SOS1: variants seen among roughly 807,000 people sequenced by gnomAD.
SOS1 encodes SOS Ras/Rac guanine nucleotide exchange factor 1, also known as son of sevenless homolog 1.
In SOS1, 25 loss-of-function variants were observed where a neutral mutation model predicts 157.6. The observed-to-expected ratio is 0.16, with a 90% CI of 0.12 to 0.22. The LOEUF is 0.22. Among genes scored for constraint, SOS1 ranks in the 10% least tolerant of loss-of-function variants. The pLI, the probability that SOS1 is intolerant of heterozygous loss-of-function variation, is 1.00. For synonymous variants in SOS1, 528 were observed against 534.0 expected, an observed-to-expected ratio of 0.99 and a Z score of 0.16; for missense variants, 1,237 against 1,599.1, an observed-to-expected ratio of 0.77 and a Z score of 3.86.
chr2:39,060,476 G>A (rs1671362982), intron 2 of SOS1, among the ~76,000 whole-genome samples: 1 of 152,160 alleles, frequency 6.6e-6, no homozygotes, highest in African/African-American at 2.4e-5. Context: ...GCGCAGGCTG[G>A]AGTGCAGTGG....
rs199856844 is a variant in SOS1, at chr2:38,995,147, C to T, written c.3322G>A (p.Asp1108Asn). Residue 1108 changes from aspartate to asparagine, a missense_variant, in exon 20 of 23, where the codon GAT becomes AAT. Physicochemically the swap from Asp to Asn is conservative, Grantham distance 23 (BLOSUM62 1). Transcript: ENST00000402219. Reference sequence around the variant, plus strand: ...CTTGAGTGAAAAGGGCTCGAATGATCGGAATCAAATACACTGCAAACATCT... The same window carrying T: ...CTTGAGTGAAAAGGGCTCGAATGATTGGAATCAAATACACTGCAAACATCT... ...TTDVCSVFDS[D>N]HSSPFHSSND... The T allele has an allele frequency of 1.7e-5, 28 of 1,613,924 alleles. No homozygotes were observed. Among genetic ancestry groups the T allele is most frequent in the Middle Eastern group, 3.3e-4 (2 of 6,060 alleles).
At chr2:39,034,826 G>C (rs951481964) in intron 8 of SOS1, 29 of 457,976 alleles carry the variant, frequency 6.3e-5, no homozygotes, top group Non-Finnish European at 1.3e-4. Context: ...CTCACACTGA[G>C]TCCCTGAGTC....
At chr2:39,019,170 G>T (rs1334534677) in intron 10 of SOS1, among the ~76,000 whole-genome samples, 1 of 151,636 alleles carries the variant, frequency 6.6e-6, no homozygotes, top group East Asian at 1.9e-4. Flanking sequence ...CCAGGCAAGG[G>T]AAACACCTTT....
At chr2:38,998,571 A>G (rs952694806) in intron 17 of SOS1, among the ~76,000 whole-genome samples, 1 of 152,058 alleles carries the variant, frequency 6.6e-6, no homozygotes, top group South Asian at 2.1e-4. Flanking sequence ...ATCTTGTGCA[A>G]ATTGCTTAAT....
At position 39,081,949 on chromosome 2, in the gene SOS1, T is replaced by C. The variant is rs190543898; in HGVS notation, c.88-14196A>G. On this transcript the variant is annotated intron_variant, in intron 1 of 22. Transcript: ENST00000402219. ...TTTTGTGGGTACATAGGTGCATATATTTATGGGGTACATAAGATACTTGAT... is the reference window on the plus strand; with the variant it reads ...TTTTGTGGGTACATAGGTGCATATACTTATGGGGTACATAAGATACTTGAT... Among the ~76,000 whole-genome samples, 29 of 152,332 alleles carry C rather than the reference T, an allele frequency of 1.9e-4. No individual in the cohort carries two copies. The East Asian group carries it at 4.6e-3, about 24-fold the overall frequency.
intron 6 of SOS1, among the ~76,000 whole-genome samples, chr2:39,046,591 G>A (rs1033756798): frequency 8.9e-5 from 13 of 145,584 alleles, no homozygotes; most frequent in Admixed American, 6.2e-4. Flanking sequence ...TGCAAGCTCC[G>A]CCTCCCGGGT....
chr2:39,112,769 T>C (rs1489464647), intron 1 of SOS1, among the ~76,000 whole-genome samples: 1 of 152,204 alleles, frequency 6.6e-6, no homozygotes, highest in Non-Finnish European at 1.5e-5. Flanking sequence ...CCAGGTGCAG[T>C]GACTCATGCC....
At chr2:39,103,010 C>T (rs959469622) in intron 1 of SOS1, among the ~76,000 whole-genome samples, 1 of 151,888 alleles carries the variant, frequency 6.6e-6, no homozygotes, top group Non-Finnish European at 1.5e-5. Flanking sequence ...TATGCATATG[C>T]AATGAATAAT....
chr2:39,102,061 C>G (rs1672986230), intron 1 of SOS1, among the ~76,000 whole-genome samples: 1 of 151,330 alleles, frequency 6.6e-6, no homozygotes, highest in South Asian at 2.1e-4. Flanking sequence ...CAAAAATTAG[C>G]CAGGCGTGGT....
intron 2 of SOS1, among the ~76,000 whole-genome samples, chr2:39,061,071 G>C (rs1426101999): frequency 1.3e-5 from 2 of 151,992 alleles, no homozygotes; most frequent in Non-Finnish European, 2.9e-5. Context: ...TTATTGTTTT[G>C]AGGAAGGAAA....
At chr2:39,002,069 C>A (rs999474135) in intron 17 of SOS1, among the ~76,000 whole-genome samples, 9 of 152,294 alleles carry the variant, frequency 5.9e-5, no homozygotes, top group African/African-American at 2.2e-4. Context: ...GTAATCCCAG[C>A]ACTTTGGGAG....
chr2:38,999,695 G>T (rs1488775377), intron 17 of SOS1, among the ~76,000 whole-genome samples: 2 of 152,134 alleles, frequency 1.3e-5, no homozygotes, highest in Non-Finnish European at 2.9e-5. Flanking sequence ...TCAGTGTTCA[G>T]TCTGACAAAC....
At chr2:38,997,493 A>C in intron 17 of SOS1, 68 bp from the exon 18 acceptor site, 1 of 1,105,598 alleles carries the variant, frequency 9.0e-7, no homozygotes. Context: ...TGTTTCATTA[A>C]TTGTGGGTAT....
chr2:39,105,740 T>C (rs561574814), intron 1 of SOS1, among the ~76,000 whole-genome samples: 1 of 149,916 alleles, frequency 6.7e-6, no homozygotes, highest in South Asian at 2.1e-4. Flanking sequence ...CTACTAAAAA[T>C]ACAAAAAAAA....
At chr2:39,034,943 T>C (rs1374691344) in intron 8 of SOS1, 16 of 541,448 alleles carry the variant, frequency 3.0e-5, no homozygotes, top group East Asian at 2.1e-4. Context: ...TATCTGACAA[T>C]TGCTTTAACA....
intron 1 of SOS1, among the ~76,000 whole-genome samples, chr2:39,103,718 T>C (rs1044427442): frequency 1.3e-5 from 2 of 152,176 alleles, no homozygotes; most frequent in South Asian, 2.1e-4. Flanking sequence ...CAAATCCTCA[T>C]GACCTTGGAT....
chr2:39,044,884 T>C (rs1016570293), intron 6 of SOS1, among the ~76,000 whole-genome samples: 215 of 115,582 alleles, frequency 1.9e-3, no homozygotes, highest in African/African-American at 6.8e-3. Context: ...ACACACACTC[T>C]GTTGTCCCTT....
intron 8 of SOS1, among the ~76,000 whole-genome samples, chr2:39,025,746 G>C (rs1345023800): frequency 6.6e-6 from 1 of 152,114 alleles, no homozygotes; most frequent in East Asian, 1.9e-4. Context: ...TTCCTTAAAG[G>C]TCAACAACAC....
At chr2:39,010,481 G>T in intron 15 of SOS1, 103 bp downstream of exon 15, 2 of 1,090,566 alleles carry the variant, frequency 1.8e-6, no homozygotes, top group South Asian at 1.3e-5. Flanking sequence ...CAGCCTATGT[G>T]ACAGAGCAAA....
Sources: gnomAD v4.1 joint callset for allele counts (sites outside exome capture counted in the v4.1 genomes callset) on GRCh38, gnomAD v4.1.1 for gene constraint, MANE v1.5 for transcripts, NCBI Gene and HGNC (gene_info 2026-07-23, HGNC 2026-07-21) for gene names.